Variants in LRMDA observed in about 807,000 individuals in gnomAD.
LRMDA encodes the protein leucine-rich melanocyte differentiation-associated protein.
In LRMDA, 18 loss-of-function variants were observed where a neutral mutation model predicts 29.8. The observed-to-expected ratio is 0.60, with a 90% CI of 0.42 to 0.90. The LOEUF (loss-of-function observed/expected upper bound fraction) is 0.90. LRMDA is among the 40% of genes least tolerant of loss of function. The pLI is 0.00. For synonymous variants in LRMDA, 125 were observed against 109.4 expected, an observed-to-expected ratio of 1.14 and a Z score of -0.89; for missense variants, 273 against 273.9, an observed-to-expected ratio of 1.00 and a Z score of 0.02.
At chr10:76,458,219 T>C (rs957574007) in intron 6 of LRMDA, among the ~76,000 whole-genome samples, 9 of 151,800 alleles carry the variant, frequency 5.9e-5, no homozygotes, top group African/African-American at 1.7e-4. Flanking sequence ...GAGTCACCCC[T>C]CTCCTCCAGA....
intron 6 of LRMDA, among the ~76,000 whole-genome samples, chr10:76,506,912 CA>C (rs1456210468): frequency 1.3e-5 from 2 of 151,996 alleles, no homozygotes; most frequent in East Asian, 3.9e-4. Flanking sequence ...AATAGTGTTG[CA>C]ACAAATATAG....
chr10:76,117,919 A>G (rs1439645475), intron 5 of LRMDA, among the ~76,000 whole-genome samples: 2 of 152,188 alleles, frequency 1.3e-5, no homozygotes, highest in Non-Finnish European at 2.9e-5. Context: ...CCCTATTGCT[A>G]TATAGGCTGA....
intron 2 of LRMDA, among the ~76,000 whole-genome samples, chr10:75,708,752 C>T (rs1842401113): frequency 6.6e-6 from 1 of 152,194 alleles, no homozygotes; most frequent in Non-Finnish European, 1.5e-5. Context: ...CATCCTGCAA[C>T]TTTGGAACGA....
At chr10:75,779,926 A>T (rs1843360400) in intron 2 of LRMDA, among the ~76,000 whole-genome samples, 1 of 152,178 alleles carries the variant, frequency 6.6e-6, no homozygotes, top group Non-Finnish European at 1.5e-5. Flanking sequence ...CTCGAGATGA[A>T]ATCATACTGG....
intron 6 of LRMDA, among the ~76,000 whole-genome samples, chr10:76,332,577 C>G (rs1376151180): frequency 6.6e-6 from 1 of 152,198 alleles, no homozygotes; most frequent in Non-Finnish European, 1.5e-5. Context: ...AACTCTTCCC[C>G]CAACAGACAG....
intron 5 of LRMDA, among the ~76,000 whole-genome samples, chr10:76,235,901 G>T (rs1235939052): frequency 5.3e-5 from 8 of 152,136 alleles, no homozygotes; most frequent in Non-Finnish European, 1.0e-4. Context: ...TTTTACAAAA[G>T]GACAAGTTTT....
At chr10:76,550,752 C>T (rs1184565145) in intron 6 of LRMDA, among the ~76,000 whole-genome samples, 1 of 152,104 alleles carries the variant, frequency 6.6e-6, no homozygotes, top group Non-Finnish European at 1.5e-5. Flanking sequence ...GGAAAATATA[C>T]TGGGTGGAGA....
At chr10:76,543,076 C>T (rs948717126) in intron 6 of LRMDA, among the ~76,000 whole-genome samples, 3 of 152,044 alleles carry the variant, frequency 2.0e-5, no homozygotes, top group Admixed American at 6.5e-5. Flanking sequence ...CACTCTATGT[C>T]CTTCACCATA....
chr10:76,267,102 T>C (rs1482348598), intron 5 of LRMDA, among the ~76,000 whole-genome samples: 1 of 152,166 alleles, frequency 6.6e-6, no homozygotes, highest in African/African-American at 2.4e-5. Context: ...GATGCCATGA[T>C]AAAGAATGGC....
intron 2 of LRMDA, among the ~76,000 whole-genome samples, chr10:75,468,273 CT>C (rs1265187409): frequency 2.6e-5 from 4 of 151,952 alleles, no homozygotes; most frequent in Admixed American, 1.3e-4. Context: ...TAACTGAATC[CT>C]TTTTTTGGGG....
intron 6 of LRMDA, among the ~76,000 whole-genome samples, chr10:76,478,761 G>A (rs1001055243): frequency 1.1e-4 from 16 of 151,944 alleles, no homozygotes; most frequent in African/African-American, 3.9e-4. Context: ...CATGGATGAA[G>A]CTGGAAACCG....
In LRMDA at chr10:76,229,460, C is replaced by T. The variant is rs111779806; in HGVS notation, c.517-94941C>T. On this transcript the variant is annotated intron_variant, in intron 5 of 6. Coordinates refer to ENST00000611255, the MANE Select transcript of LRMDA (RefSeq NM_001305581.2). ...CTGGGCTCTGAGTGTGCTGTGTACT[C>T]TAGTCTTCATTTCTGCAAGTTAATC... Among the ~76,000 whole-genome samples, 1,401 of 152,284 alleles carry T rather than the reference C, an allele frequency of 9.2e-3. 24 individuals carry two copies. Among genetic ancestry groups the T allele is most frequent in the African/African-American group, 0.031 (1,298 of 41,560 alleles).
At chr10:76,409,837 A>G (rs1420563459) in intron 6 of LRMDA, among the ~76,000 whole-genome samples, 1 of 152,208 alleles carries the variant, frequency 6.6e-6, no homozygotes, top group Non-Finnish European at 1.5e-5. Flanking sequence ...GGTAGGCAAA[A>G]TGAACTTCTG....
At chr10:75,437,708 A>G (rs572604648) in intron 1 of LRMDA, among the ~76,000 whole-genome samples, 4 of 152,348 alleles carry the variant, frequency 2.6e-5, no homozygotes, top group East Asian at 1.9e-4. Context: ...ATAATCTGTA[A>G]TAAATAGAAG....
At chr10:76,259,033 A>G (rs941211760) in intron 5 of LRMDA, among the ~76,000 whole-genome samples, 1 of 151,936 alleles carries the variant, frequency 6.6e-6, no homozygotes, top group Non-Finnish European at 1.5e-5. Flanking sequence ...TTTTTAAGGA[A>G]CCTCGATACT....
intron 5 of LRMDA, chr10:76,318,205 A>G (rs1200994526): frequency 6.6e-6 from 1 of 152,210 alleles, no homozygotes; most frequent in East Asian, 1.9e-4. Context: ...TAGTTATGTA[A>G]TAGCCCATAA....
At chr10:75,887,470 G>A (rs16932681) in intron 2 of LRMDA, among the ~76,000 whole-genome samples, 10,942 of 152,146 alleles carry the variant, frequency 0.072, 1,207 homozygotes, top group African/African-American at 0.23. Flanking sequence ...CATCATCTCT[G>A]TCTTAGCAGG....
intron 6 of LRMDA, among the ~76,000 whole-genome samples, chr10:76,489,241 G>C (rs553886647): frequency 6.6e-6 from 1 of 151,650 alleles, no homozygotes; most frequent in Non-Finnish European, 1.5e-5. Context: ...GTTCAATTTT[G>C]GTAGGTGGTA....
intron 6 of LRMDA, among the ~76,000 whole-genome samples, chr10:76,342,341 G>A (rs950640889): frequency 1.3e-5 from 2 of 152,034 alleles, no homozygotes; most frequent in African/African-American, 4.8e-5. Flanking sequence ...GTATATTAAT[G>A]AAACCATTAC....
Sources: allele counts gnomAD v4.1 joint callset (sites outside exome capture counted in the v4.1 genomes callset), GRCh38; gene constraint gnomAD v4.1.1; transcripts MANE v1.5; gene names NCBI Gene and HGNC (gene_info 2026-07-23, HGNC 2026-07-21).